MTMR12: variants seen among roughly 807,000 people sequenced by gnomAD.
MTMR12 encodes myotubularin related protein 12, also known as myotubularin-related protein 12.
MTMR12 carries 33 observed loss-of-function variants against 96.7 expected under a neutral mutation model. The ratio of observed to expected loss-of-function variants is 0.34; its 90% confidence interval spans 0.26 to 0.46. MTMR12 has a LOEUF of 0.46. Among genes scored for constraint, MTMR12 ranks in the 20% least tolerant of loss-of-function variants. The pLI, the probability that MTMR12 is intolerant of heterozygous loss-of-function variation, is 1.00. For synonymous variants in MTMR12, 298 were observed against 327.2 expected, an observed-to-expected ratio of 0.91 and a Z score of 0.96; for missense variants, 721 against 896.1, an observed-to-expected ratio of 0.80 and a Z score of 2.49.
chr5:32,278,269 A>C (rs1750136801), intron 1 of MTMR12, among the ~76,000 whole-genome samples: 1 of 152,252 alleles, frequency 6.6e-6, no homozygotes, highest in African/African-American at 2.4e-5. Context: ...ATGTATCAGA[A>C]ACACTGGGAC....
chr5:32,266,786 A>C (rs2112070958), intron 6 of MTMR12, among the ~76,000 whole-genome samples: 1 of 151,890 alleles, frequency 6.6e-6, no homozygotes, highest in South Asian at 2.1e-4. Flanking sequence ...TCATGTTAAG[A>C]GTAATGGATG....
chr5:32,270,364 A>T (rs1015522295), intron 5 of MTMR12, among the ~76,000 whole-genome samples: 1 of 152,196 alleles, frequency 6.6e-6, no homozygotes, highest in Non-Finnish European at 1.5e-5. Flanking sequence ...GGCTTTGCTC[A>T]TCTGACCTGT....
intron 15 of MTMR12, among the ~76,000 whole-genome samples, chr5:32,232,275 T>C (rs909400552): frequency 2.6e-5 from 4 of 152,192 alleles, no homozygotes; most frequent in African/African-American, 4.8e-5. Context: ...CTCAACACAT[T>C]GCTCCACCTG....
In MTMR12 at chr5:32,312,801, G is replaced by A. The variant is rs746136571; in HGVS notation, c.38C>T (p.Thr13Ile). Residue 13 changes from threonine (T) to isoleucine (I), a missense_variant, in exon 1 of 16, where the codon ACC becomes ATC. Thr to Ile is a moderately conservative substitution (Grantham distance 89). Transcript: ENST00000382142. This position sits in a 1 kb window ranked among gnomAD's most constrained non-coding sequence, Gnocchi z 5.0. The part of the protein sequence containing the change: ...GKGVVGGGGG[T>I]KAPKPSFVSY... The stretch of plus-strand genomic sequence containing the variant: ...CACGAAGGAGGGCTTGGGGGCCTTG[G>A]TGCCGCCGCCACCGCCGACTACTCC... The A allele has an allele frequency of 2.0e-6, 3 of 1,533,696 alleles. No individual in the cohort carries two copies. Among genetic ancestry groups the A allele is most frequent in the Non-Finnish European group, 2.6e-6 (3 of 1,143,404 alleles).
At chr5:32,281,265 C>A (rs72731085) in intron 1 of MTMR12, among the ~76,000 whole-genome samples, 41,701 of 131,024 alleles carry the variant, frequency 0.32, 6,561 homozygotes, top group East Asian at 0.42. Context: ...AAAAAAAAAA[C>A]AAAAAAAACT....
chr5:32,306,346 T>C (rs1335978948), intron 1 of MTMR12, among the ~76,000 whole-genome samples: 1 of 152,184 alleles, frequency 6.6e-6, no homozygotes, highest in Non-Finnish European at 1.5e-5. Flanking sequence ...GAAAATGAGA[T>C]ATGCGTAGTT....
intron 1 of MTMR12, among the ~76,000 whole-genome samples, chr5:32,282,190 G>C (rs78838936): frequency 0.015 from 2,229 of 152,052 alleles, 36 homozygotes; most frequent in East Asian, 0.07. Context: ...AGATCATCCT[G>C]GCTAACATGG....
chr5:32,240,279 A>T (rs963772743), intron 12 of MTMR12, among the ~76,000 whole-genome samples: 2 of 152,024 alleles, frequency 1.3e-5, no homozygotes, highest in African/African-American at 4.8e-5. Context: ...CACGCCTGTA[A>T]TCCCAGCTAC....
At chr5:32,246,823 G>A (rs1748709337) in intron 10 of MTMR12, among the ~76,000 whole-genome samples, 1 of 152,102 alleles carries the variant, frequency 6.6e-6, no homozygotes, top group Admixed American at 6.6e-5. Context: ...TGCTCTAATA[G>A]GGCCTGTTTT....
At chr5:32,299,202 T>A (rs1261996137) in intron 1 of MTMR12, among the ~76,000 whole-genome samples, 3 of 152,168 alleles carry the variant, frequency 2.0e-5, no homozygotes, top group Admixed American at 6.5e-5. Flanking sequence ...TTCCACAGAT[T>A]GCATCACTTA....
chr5:32,270,743 A>T, intron 5 of MTMR12, 74 bp downstream of exon 5: 2 of 1,498,288 alleles, frequency 1.3e-6, no homozygotes, highest in Non-Finnish European at 1.8e-6. Context: ...CCTTCATGCA[A>T]CGTAAGCAAA....
intron 3 of MTMR12, 85 bp from the exon 4 acceptor site, chr5:32,271,990 G>T: frequency 1.2e-6 from 1 of 831,726 alleles, no homozygotes; most frequent in Non-Finnish European, 1.8e-6. Context: ...TTCTCTACTT[G>T]GATATTAAGA....
At chr5:32,258,120 C>T (rs2112045886) in intron 7 of MTMR12, among the ~76,000 whole-genome samples, 1 of 150,394 alleles carries the variant, frequency 6.6e-6, no homozygotes, top group Non-Finnish European at 1.5e-5. Context: ...CAGTGAGACC[C>T]TGTCTCAAAA....
Position 32,239,008 on chromosome 5 carries a change from TTG to T in MTMR12, c.1335_1336del (p.Asp445GlufsTer26). The stretch of plus-strand genomic sequence containing the variant: ...TGCAGTGAGGGAACTCACCTCCTCT[TTG>T]TCGTTCTGGCGGAGATGGTTGCAGC... On this transcript the variant is annotated frameshift_variant, in exon 13 of 16. Transcript: ENST00000382142. LOFTEE classifies it high-confidence loss of function. 1.3e-6 allele frequency: 2 copies of T among 1,592,378 alleles called. No individual in the cohort carries two copies. The highest frequency in any genetic ancestry group is 1.7e-6 in the Non-Finnish European group (2 of 1,167,044).
At position 32,233,585 on chromosome 5, in the gene MTMR12, G is replaced by A. The variant is rs77755394; in HGVS notation, c.1674+188C>T. ...CTGGCAAATGGCCCTGTTGTACCAG[G>A]GCAAAGGTGATTTGCTGAAAGCAAA... On this transcript the variant is annotated intron_variant, in intron 15 of 15. Transcript: ENST00000382142. This position sits in a 1 kb window ranked among gnomAD's most constrained non-coding sequence, Gnocchi z 5.0. 0.015 allele frequency among the ~76,000 whole-genome samples: 2,338 copies of A among 152,132 alleles called. 31 individuals are homozygous for A. Among genetic ancestry groups the A allele is most frequent in the Non-Finnish European group, 0.024 (1,651 of 67,996 alleles).
chr5:32,243,727 C>T, intron 10 of MTMR12, 128 bp from the exon 11 acceptor site: 7 of 608,034 alleles, frequency 1.2e-5, no homozygotes, highest in East Asian at 5.7e-5. Context: ...AATCCAGGCA[C>T]AGGACTCTAT....
intron 7 of MTMR12, among the ~76,000 whole-genome samples, chr5:32,260,136 C>T (rs1162439823): frequency 6.6e-6 from 1 of 150,782 alleles, no homozygotes; most frequent in African/African-American, 2.4e-5. Context: ...GACTTCCAGA[C>T]AGGAGCCTGT....
chr5:32,274,160 AG>A, intron 2 of MTMR12, 38 bp from the exon 3 acceptor site: 4 of 1,606,576 alleles, frequency 2.5e-6, no homozygotes, highest in Non-Finnish European at 3.4e-6. Flanking sequence ...TAGAGTTCTC[AG>A]GGAACATACG....
intron 2 of MTMR12, 101 bp from the exon 3 acceptor site, chr5:32,274,223 C>G (rs935921595): frequency 6.1e-5 from 82 of 1,335,216 alleles, no homozygotes; most frequent in Non-Finnish European, 8.0e-5. Context: ...GACAAACATA[C>G]AATACAACAC....
Sources: allele counts gnomAD v4.1 joint callset (sites outside exome capture counted in the v4.1 genomes callset), GRCh38; gene constraint gnomAD v4.1.1; non-coding constraint Gnocchi (gnomAD v3.1); transcripts MANE v1.5; gene names NCBI Gene and HGNC (gene_info 2026-07-23, HGNC 2026-07-21).